Variants in DLGAP5 observed in about 807,000 individuals in gnomAD.
The protein encoded by DLGAP5 is disks large-associated protein 5.
DLGAP5 carries 90 observed loss-of-function variants against 99.6 expected under a neutral mutation model. The ratio of observed to expected loss-of-function variants is 0.90; its 90% CI spans 0.76 to 1.08. The LOEUF is 1.08. Among genes scored for constraint, DLGAP5 ranks in the 50% least tolerant of loss-of-function variants. DLGAP5 has a pLI of 0.00. For missense variants in DLGAP5, 1,036 were observed against 983.5 expected (o/e 1.05, Z -0.71); for synonymous variants, 311 against 321.3 (o/e 0.97, Z 0.34).
At chr14:55,180,933 A>G (rs1883251855) in intron 5 of DLGAP5, among the ~76,000 whole-genome samples, 155 bp from the exon 6 acceptor site, 1 of 152,192 alleles carries the variant, frequency 6.6e-6, no homozygotes. Flanking sequence ...CCTAGGCAAC[A>G]TAGTGAGACC....
In DLGAP5 at chr14:55,166,879, T is replaced by TA. The variant is rs1334737097; in HGVS notation, c.1548+2519dup. The stretch of plus-strand genomic sequence containing the variant: ...ATACCTCATATAGCTCTTTTGTGTT[T>TA]AAAAAAAAAAAAAAAAGTGCCCCAA... On this transcript the variant is annotated intron_variant, in intron 12 of 18. Transcript: ENST00000247191. Among the ~76,000 whole-genome samples the TA allele has an allele frequency of 5.8e-3, 814 of 141,400 alleles. 3 individuals are homozygous for TA. Among genetic ancestry groups the TA allele is most frequent in the Non-Finnish European group, 8.9e-3 (575 of 64,804 alleles). 92.8% of individuals were successfully genotyped at this position (141,400 alleles called of 152,430 possible). A position where few individuals can be genotyped will look rare whatever the true frequency, so the allele number is the denominator to read the frequency against.
chr14:55,153,558 T>G (rs2140304466), intron 15 of DLGAP5, among the ~76,000 whole-genome samples: 1 of 151,068 alleles, frequency 6.6e-6, no homozygotes, highest in East Asian at 2.0e-4. Context: ...AAAAAAAAAT[T>G]TATCTCCACT....
At chr14:55,151,104 G>A (rs1028472640) in intron 17 of DLGAP5, among the ~76,000 whole-genome samples, 3 of 152,166 alleles carry the variant, frequency 2.0e-5, no homozygotes, top group African/African-American at 7.2e-5. Context: ...AAGAACAGCT[G>A]GAGGACATTA....
Position 55,154,644 on chromosome 14 carries a change from G to A in DLGAP5, c.2036C>T (p.Thr679Ile), listed in dbSNP as rs980327622. The change falls in exon 15 of 19, where the codon ACT (threonine) becomes ATT (isoleucine). Residue 679 changes from threonine to isoleucine, a missense_variant. Thr to Ile is a moderately conservative substitution (Grantham distance 89, BLOSUM62 -1). Transcript: ENST00000247191. ...QNTKSEHVKKTLFLSIPESRS... is the reference protein window; with the variant it reads ...QNTKSEHVKKILFLSIPESRS... ...GCTTTCAGGAATACTCAAAAACAAA[G>A]TCTTCTTCACATGTTCACTTTTCGT... is the stretch of plus-strand genomic sequence containing the variant. 6.2e-7 allele frequency: 1 copy of A among 1,613,974 alleles called. No homozygotes were observed. The highest frequency in any genetic ancestry group is 1.1e-5 in the South Asian group (1 of 91,076).
At position 55,177,180 on chromosome 14, in the gene DLGAP5, C is replaced by T; in HGVS notation, c.931G>A (p.Asp311Asn). The T allele has an allele frequency of 6.2e-7, 1 of 1,613,230 alleles. No individual in the cohort carries two copies. The highest frequency in any genetic ancestry group is 8.5e-7 in the Non-Finnish European group (1 of 1,179,762). Residue 311 changes from aspartate (D) to asparagine (N), a missense_variant, in exon 8 of 19, where the codon GAT becomes AAT. Physicochemically the swap from Asp to Asn is conservative, Grantham distance 23. Transcript: ENST00000247191. ...CCATCCAGTGGCTGAAACATAAAAT[C>T]CTTAGGTGCAAAGGAATTCTTCCCT... ...IKGKNSFAPK[D>N]FMFQPLDGLK...
At chr14:55,158,258 A>G (rs1229423842) in intron 14 of DLGAP5, among the ~76,000 whole-genome samples, 1 of 152,230 alleles carries the variant, frequency 6.6e-6, no homozygotes, top group Non-Finnish European at 1.5e-5. Context: ...TGGTAATTAC[A>G]TTACAGATGT....
chr14:55,185,402 T>A (rs572085874), intron 2 of DLGAP5, among the ~76,000 whole-genome samples: 1 of 152,184 alleles, frequency 6.6e-6, no homozygotes, highest in Admixed American at 6.5e-5. Context: ...AGTTTCACCA[T>A]TTTGGCCAGG....
Position 55,181,261 on chromosome 14 carries a change from C to T in DLGAP5, c.532G>A (p.Gly178Ser). 1 of 1,613,992 alleles carries T rather than the reference C, an allele frequency of 6.2e-7. No individual in the cohort carries two copies. Among genetic ancestry groups the T allele is most frequent in the Non-Finnish European group, 8.5e-7 (1 of 1,179,974 alleles). The change falls in exon 5 of 19, where the codon GGT (glycine) becomes AGT (serine). Residue 178 changes from glycine to serine, a missense_variant. Gly to Ser is a moderately conservative substitution (Grantham distance 56, BLOSUM62 0). Transcript: ENST00000247191. ...NESDVRAIRP[G>S]PRQTSEKKVS... Reference sequence around the variant, plus strand: ...TTCTTTTCAGAAGTTTGTCTTGGACCAGGTCGGATTGCTCGAACATCACTC... The same window carrying T: ...TTCTTTTCAGAAGTTTGTCTTGGACTAGGTCGGATTGCTCGAACATCACTC...
intron 8 of DLGAP5, 90 bp from the exon 9 acceptor site, chr14:55,176,108 G>C (rs987219255): frequency 8.7e-7 from 1 of 1,153,566 alleles, no homozygotes; most frequent in Non-Finnish European, 1.2e-6. Context: ...TTGTAGATCT[G>C]GGCTAAAATA....
intron 17 of DLGAP5, 141 bp downstream of exon 17, chr14:55,151,554 C>T: frequency 3.3e-6 from 3 of 922,136 alleles, no homozygotes; most frequent in Non-Finnish European, 4.7e-6. Context: ...GGGAATTGTT[C>T]TAATTCAGGG....
chr14:55,150,942 A>G (rs1881995579), intron 17 of DLGAP5, 94 bp from the exon 18 acceptor site: 3 of 808,688 alleles, frequency 3.7e-6, no homozygotes, highest in Admixed American at 3.4e-5. Flanking sequence ...GAAAAGTTCC[A>G]CATATCAAAT....
chr14:55,153,715 A>G lies in DLGAP5; in HGVS notation c.2063+902T>C, dbSNP rs540473265. Among the ~76,000 whole-genome samples, 8 of 152,156 alleles carry G rather than the reference A, an allele frequency of 5.3e-5. No individual in the cohort carries two copies. The East Asian group carries it at 1.5e-3, about 29-fold the overall frequency. On this transcript the variant is annotated intron_variant, in intron 15 of 18. Coordinates refer to ENST00000247191, the MANE Select transcript of DLGAP5 (RefSeq NM_014750.5). ...AAAACATTTTTAAAGAGTACTTATGACTCAAATGCAATTATGAATCTTCTT... is the reference window on the plus strand; with the variant it reads ...AAAACATTTTTAAAGAGTACTTATGGCTCAAATGCAATTATGAATCTTCTT...
chr14:55,179,023 G>C (rs894456052), intron 7 of DLGAP5, among the ~76,000 whole-genome samples: 2 of 152,024 alleles, frequency 1.3e-5, no homozygotes, highest in Admixed American at 1.3e-4. Context: ...CTCGAGCCTG[G>C]GCGACAGAGT....
chr14:55,189,714 T>G (rs1883548072), intron 1 of DLGAP5, among the ~76,000 whole-genome samples: 1 of 152,194 alleles, frequency 6.6e-6, no homozygotes, highest in African/African-American at 2.4e-5. Flanking sequence ...AACAAGGAGC[T>G]TCCATGCTCT....
chr14:55,177,123 G>A lies in DLGAP5; in HGVS notation c.988C>T (p.Pro330Ser), dbSNP rs745522456. The change falls in exon 8 of 19, where the codon CCC (proline) becomes TCC (serine). Residue 330 changes from proline (P) to serine (S), a missense_variant. Transcript: ENST00000247191. ...LKTYQVTPMT[P>S]RSANAFLTPS... ...GTCAAAAAAGCATTGGCACTTCTGG[G>A]AGTCATAGGTGTTACTTGATAGGTC... 1.3e-6 allele frequency: 2 copies of A among 1,568,000 alleles called. No homozygotes were observed. The highest frequency in any genetic ancestry group is 1.4e-5 in the African/African-American group (1 of 72,576).
At chr14:55,190,354 C>T (rs1183967732) in intron 1 of DLGAP5, among the ~76,000 whole-genome samples, 1 of 151,108 alleles carries the variant, frequency 6.6e-6, no homozygotes, top group Non-Finnish European at 1.5e-5. Context: ...ATGCCTTTTT[C>T]TTGGAAAGAT....
chr14:55,177,624 G>A (rs575567824), intron 7 of DLGAP5, among the ~76,000 whole-genome samples: 9 of 150,906 alleles, frequency 6.0e-5, no homozygotes, highest in South Asian at 2.1e-4. Context: ...TGCAAGCTCC[G>A]CCTCCCGGGT....
In DLGAP5 at chr14:55,183,646, C is replaced by G. The variant is rs138039049; in HGVS notation, c.346G>C (p.Gly116Arg). ...LKEQREKAKRGIFKVGRYRPD... is the reference protein window; with the variant it reads ...LKEQREKAKRRIFKVGRYRPD... ...CTATAACGACCCACTTTAAATATTC[C>G]TCGTTTAGCTTTCTCTCTCTGCTCT... The change falls in exon 3 of 19, where the codon GGA becomes CGA. Residue 116 changes from glycine to arginine, a missense_variant. Physicochemically the swap from Gly to Arg is moderately radical, Grantham distance 125. Transcript: ENST00000247191. 1 of 1,612,050 alleles carries G rather than the reference C, an allele frequency of 6.2e-7. No individual in the cohort carries two copies. Among genetic ancestry groups the G allele is most frequent in the Admixed American group, 1.7e-5 (1 of 59,566 alleles).
intron 10 of DLGAP5, among the ~76,000 whole-genome samples, chr14:55,173,215 G>A (rs987799611): frequency 9.5e-5 from 14 of 146,942 alleles, no homozygotes; most frequent in South Asian, 6.4e-4. Flanking sequence ...CAAAAGGATC[G>A]CTTGAGCCTG....
Sources: allele counts gnomAD v4.1 joint callset (sites outside exome capture counted in the v4.1 genomes callset), GRCh38; gene constraint gnomAD v4.1.1; transcripts MANE v1.5; gene names NCBI Gene and HGNC (gene_info 2026-07-23, HGNC 2026-07-21).